UBE3D: variants seen among roughly 807,000 people sequenced by gnomAD.
UBE3D encodes ubiquitin protein ligase E3D.
UBE3D carries 48 observed loss-of-function variants against 49.6 expected under a neutral mutation model. That is an observed-to-expected ratio of 0.97 (90% confidence interval 0.77 to 1.23). The LOEUF (loss-of-function observed/expected upper bound fraction) is 1.23, where lower values mean the gene tolerates loss of function less well. Ranked by LOEUF, UBE3D falls within the 50% of genes most tolerant of loss-of-function variation. The pLI, the probability that UBE3D is intolerant of heterozygous loss-of-function variation, is 0.00. For synonymous variants in UBE3D, 189 were observed against 174.2 expected, an observed-to-expected ratio of 1.08 and a Z score of -0.67; for missense variants, 452 against 468.4, an observed-to-expected ratio of 0.96 and a Z score of 0.32.
chr6:83,028,748 A>G (rs1346542885), intron 5 of UBE3D, among the ~76,000 whole-genome samples: 1 of 152,102 alleles, frequency 6.6e-6, no homozygotes, highest in Non-Finnish European at 1.5e-5. Context: ...ACCATCTGGT[A>G]TCTTTCGTGT....
intron 5 of UBE3D, among the ~76,000 whole-genome samples, chr6:83,032,534 C>T (rs765749639): frequency 7.9e-5 from 12 of 152,074 alleles, no homozygotes; most frequent in South Asian, 2.1e-4. Flanking sequence ...GCCTTGTATC[C>T]GATGAGACTT....
chr6:82,881,345 G>A, the UBE3D span, among the ~76,000 whole-genome samples: 1 of 152,150 alleles, frequency 6.6e-6, no homozygotes, highest in Non-Finnish European at 1.5e-5. Context: ...AGGAATATGA[G>A]GGTGGGAAGC....
intron 8 of UBE3D, among the ~76,000 whole-genome samples, chr6:83,002,285 C>A (rs1428745870): frequency 6.6e-6 from 1 of 152,130 alleles, no homozygotes; most frequent in Non-Finnish European, 1.5e-5. Flanking sequence ...CTCCAAAAGT[C>A]ATTTTGAAAC....
chr6:82,959,865 C>T (rs896337849), intron 8 of UBE3D, among the ~76,000 whole-genome samples: 1 of 152,038 alleles, frequency 6.6e-6, no homozygotes, highest in Non-Finnish European at 1.5e-5. Context: ...CAGGGTGCTC[C>T]TACAGGCCTC....
chr6:83,004,007 C>T (rs1256181341), intron 8 of UBE3D, among the ~76,000 whole-genome samples: 2 of 152,192 alleles, frequency 1.3e-5, no homozygotes, highest in East Asian at 1.9e-4. Context: ...AACTACTTCT[C>T]TGTATCTTTA....
At chr6:83,028,283 T>C (rs1192102506) in intron 5 of UBE3D, among the ~76,000 whole-genome samples, 1 of 152,220 alleles carries the variant, frequency 6.6e-6, no homozygotes, top group Non-Finnish European at 1.5e-5. Flanking sequence ...TGTGTGCCTA[T>C]TTATCTTTGG....
At chr6:82,981,455 A>G (rs12209506) in intron 8 of UBE3D, among the ~76,000 whole-genome samples, 26,823 of 151,962 alleles carry the variant, frequency 0.18, 2,537 homozygotes, top group African/African-American at 0.24. Context: ...TGCAAAGCAT[A>G]TGGCAACTAA....
chr6:82,965,009 A>C (rs1279370495), intron 8 of UBE3D, among the ~76,000 whole-genome samples: 1 of 152,202 alleles, frequency 6.6e-6, no homozygotes, highest in Non-Finnish European at 1.5e-5. Flanking sequence ...TTGGTCTTTA[A>C]TTCTCTTTGA....
At chr6:82,908,817 C>A (rs577279578) in intron 9 of UBE3D, among the ~76,000 whole-genome samples, 2 of 152,150 alleles carry the variant, frequency 1.3e-5, no homozygotes, top group Non-Finnish European at 2.9e-5. Flanking sequence ...CTATGCTACT[C>A]GAAACTTCCT....
Position 83,024,354 on chromosome 6 carries a change from C to T in UBE3D, c.668-316G>A, listed in dbSNP as rs1781302662. 2.0e-5 allele frequency among the ~76,000 whole-genome samples: 3 copies of T among 152,258 alleles called. No individual in the cohort carries two copies. In the South Asian group the frequency reaches 6.2e-4, roughly 32 times the overall value. ...ATAGAAATTAGTCACTGGGTTTCCT[C>T]AATTCTACAGAATAGCTACAAACCT... On this transcript the variant is annotated intron_variant, in intron 5 of 9. Transcript: ENST00000369747.
At chr6:82,882,530 A>C in the UBE3D span, among the ~76,000 whole-genome samples, 1 of 152,182 alleles carries the variant, frequency 6.6e-6, no homozygotes, top group South Asian at 2.1e-4. Context: ...TGTTTTGGCA[A>C]GTGTAACTTG....
intron 9 of UBE3D, among the ~76,000 whole-genome samples, chr6:82,937,315 T>TAGCAA (rs1562100163): frequency 6.6e-6 from 1 of 150,516 alleles, no homozygotes; most frequent in Non-Finnish European, 1.5e-5. Context: ...TTCCCCCTTC[T>TAGCAA]AACAAAACAA....
intron 8 of UBE3D, among the ~76,000 whole-genome samples, chr6:82,968,858 T>G (rs974480348): frequency 1.3e-5 from 2 of 152,176 alleles, no homozygotes; most frequent in Non-Finnish European, 2.9e-5. Flanking sequence ...TTTTAAAAAT[T>G]TTATCTTATT....
intron 8 of UBE3D, among the ~76,000 whole-genome samples, chr6:83,011,118 T>C (rs1780308684): frequency 6.6e-6 from 1 of 152,060 alleles, no homozygotes; most frequent in African/African-American, 2.4e-5. Flanking sequence ...TCCCCAACCC[T>C]CTATTCCATA....
At chr6:82,974,509 A>G (rs1283006832) in intron 8 of UBE3D, among the ~76,000 whole-genome samples, 4 of 152,188 alleles carry the variant, frequency 2.6e-5, no homozygotes, top group Non-Finnish European at 5.9e-5. Flanking sequence ...CTATGTAAAT[A>G]GTTGTTACAC....
intron 8 of UBE3D, among the ~76,000 whole-genome samples, chr6:82,958,130 G>A (rs144768395): frequency 4.4e-4 from 67 of 152,206 alleles, no homozygotes; most frequent in African/African-American, 1.5e-3. Flanking sequence ...GGAAACCAAG[G>A]GCTAGAGAAG....
intron 5 of UBE3D, among the ~76,000 whole-genome samples, chr6:83,026,476 T>C (rs1781468824): frequency 6.6e-6 from 1 of 152,066 alleles, no homozygotes; most frequent in African/African-American, 2.4e-5. Context: ...TCAAACAACT[T>C]TTAATAAGAC....
rs147167317 is a variant in UBE3D at position 83,015,965 on chromosome 6, T to C, written c.1010+3008A>G. Among the ~76,000 whole-genome samples the C allele has an allele frequency of 9.7e-3, 1,470 of 152,260 alleles. 21 individuals carry two copies. Among genetic ancestry groups the C allele is most frequent in the African/African-American group, 0.034 (1,393 of 41,548 alleles). ...AGTGTCCCCAGCTTCATCAGGGTCC[T>C]CCCACACGTCCCCATTCCAAGTTGC... On this transcript the variant is annotated intron_variant, in intron 8 of 9. Coordinates refer to ENST00000369747, the MANE Select transcript of UBE3D (RefSeq NM_198920.3).
At chr6:83,013,131 T>G (rs1040226106) in intron 8 of UBE3D, among the ~76,000 whole-genome samples, 2 of 152,144 alleles carry the variant, frequency 1.3e-5, no homozygotes, top group Non-Finnish European at 2.9e-5. Flanking sequence ...CCACTTCCAT[T>G]TGATGACAGA....
Sources: allele counts gnomAD v4.1 joint callset (sites outside exome capture counted in the v4.1 genomes callset), GRCh38; gene constraint gnomAD v4.1.1; transcripts MANE v1.5; gene names NCBI Gene and HGNC (gene_info 2026-07-23, HGNC 2026-07-21).